The following PTPRU variants were observed in gnomAD, a reference collection of about 807,000 sequenced individuals.
PTPRU encodes receptor-type tyrosine-protein phosphatase U.
PTPRU carries 69 observed loss-of-function variants against 166.3 expected under a neutral mutation model. That is an observed-to-expected ratio of 0.41 (90% CI 0.34 to 0.51). The LOEUF (loss-of-function observed/expected upper bound fraction) is 0.51. Among genes scored for constraint, PTPRU ranks in the 20% least tolerant of loss-of-function variants. PTPRU has a pLI of 0.09. For missense variants in PTPRU, 1,657 were observed against 2,013.7 expected (o/e 0.82, Z 3.39); for synonymous variants, 793 against 814.0 (o/e 0.97, Z 0.44).
At chr1:29,305,652 G>C (rs1006482855) in intron 18 of PTPRU, 3 of 730,924 alleles carry the variant, frequency 4.1e-6, no homozygotes, top group Admixed American at 3.5e-5. Flanking sequence ...GAGATGAGGT[G>C]CTTTAGAGAA....
At position 29,307,225 on chromosome 1, in the gene PTPRU, G is replaced by A. The variant is rs374676437; in HGVS notation, c.2820+1797G>A. On this transcript the variant is annotated intron_variant, in intron 18 of 29. Coordinates refer to ENST00000373779, the MANE Select transcript of PTPRU (RefSeq NM_133178.4). ...CTGGCTGTATCTCAGACTCTCTCAC[G>A]GTCTCTGGCTGTCTGTCTCTCTGTC... The A allele has an allele frequency of 7.6e-5, 115 of 1,514,878 alleles. No individual in the cohort carries two copies. The Middle Eastern group carries it at 2.0e-3, about 27-fold the overall frequency. 93.8% of individuals were successfully genotyped at this position (1,514,878 alleles called of 1,614,324 possible). A position where few individuals can be genotyped will look rare whatever the true frequency, so the allele number is the denominator to read the frequency against.
At chr1:29,301,368 C>A (rs955181948) in intron 15 of PTPRU, among the ~76,000 whole-genome samples, 26 of 152,280 alleles carry the variant, frequency 1.7e-4, no homozygotes, top group African/African-American at 5.1e-4. Context: ...TGTGGTGAAG[C>A]TGGAATAAAC....
chr1:29,293,773 C>G (rs1686762167), intron 15 of PTPRU, among the ~76,000 whole-genome samples: 1 of 152,206 alleles, frequency 6.6e-6, no homozygotes, highest in African/African-American at 2.4e-5. Flanking sequence ...TGCGCCCGGA[C>G]TTTTGGGGGT....
rs535676589 is a variant in PTPRU at position 29,288,411 on chromosome 1, A to T, written c.2319-3458A>T. 2.0e-5 allele frequency among the ~76,000 whole-genome samples: 3 copies of T among 152,320 alleles called. No individual in the cohort carries two copies. In the South Asian group the frequency reaches 6.2e-4, roughly 32 times the overall value. ...TGGGGGCAAAGAGAATACAAGAGAC[A>T]TCATGTAGCTGGCACTCGTGGGAGA... On this transcript the variant is annotated intron_variant, in intron 14 of 29. Transcript: ENST00000373779.
intron 1 of PTPRU, among the ~76,000 whole-genome samples, chr1:29,249,800 T>G (rs1020783463): frequency 1.3e-5 from 2 of 152,208 alleles, no homozygotes; most frequent in Non-Finnish European, 2.9e-5. Flanking sequence ...GCCCTACTCA[T>G]GGCTTATAGG....
intron 1 of PTPRU, among the ~76,000 whole-genome samples, chr1:29,244,002 G>A (rs1382914553): frequency 6.6e-6 from 1 of 152,198 alleles, no homozygotes; most frequent in African/African-American, 2.4e-5. Flanking sequence ...TTCCCAAGAT[G>A]CAAACCACAA....
intron 2 of PTPRU, 29 bp downstream of exon 2, chr1:29,255,435 C>T: frequency 1.2e-6 from 2 of 1,609,322 alleles, no homozygotes; most frequent in South Asian, 2.2e-5. Flanking sequence ...GCCATTACCC[C>T]TTCTTCTCCT....
Position 29,311,377 on chromosome 1 carries a change from G to A in PTPRU, c.2858-79G>A. 2 of 1,409,028 alleles carry A rather than the reference G, an allele frequency of 1.4e-6. No individual in the cohort carries two copies. Among genetic ancestry groups the A allele is most frequent in the Admixed American group, 1.7e-5 (1 of 57,598 alleles). 87.3% of individuals were successfully genotyped at this position (1,409,028 alleles called of 1,614,324 possible). ...AGGAGGCCTCCTGGCCTGGGGTGTG[G>A]TGCTGGATGGTGCTGGATGTGCTGA... On this transcript the variant is annotated intron_variant, in intron 19 of 29. Transcript: ENST00000373779. This position sits in a 1 kb window ranked among gnomAD's most constrained non-coding sequence, Gnocchi z 4.1.
chr1:29,319,450 A>G (rs890436996), intron 25 of PTPRU, among the ~76,000 whole-genome samples: 9 of 152,062 alleles, frequency 5.9e-5, no homozygotes, highest in Admixed American at 6.5e-5. Flanking sequence ...TGCAGGTCCT[A>G]TTGGCTTGGA....
rs115646705 is a variant in PTPRU, at chr1:29,282,044, C to T, written c.1869-632C>T. 7.4e-3 allele frequency among the ~76,000 whole-genome samples: 1,134 copies of T among 152,284 alleles called. 11 individuals carry two copies. Among genetic ancestry groups the T allele is most frequent in the African/African-American group, 0.023 (936 of 41,540 alleles). ...TCAGGATCCTGAAACAGCAGGGCTC[C>T]GATTTGCTGATCAGAGGCTGCCTTG... On this transcript the variant is annotated intron_variant, in intron 11 of 29. Coordinates refer to ENST00000373779, the MANE Select transcript of PTPRU (RefSeq NM_133178.4).
chr1:29,273,236 T>C (rs1381030905), intron 7 of PTPRU, among the ~76,000 whole-genome samples: 1 of 152,054 alleles, frequency 6.6e-6, no homozygotes, highest in Non-Finnish European at 1.5e-5. Context: ...CTGGGCTCCA[T>C]CTTGCCTTTG....
At chr1:29,309,390 C>T (rs557116525) in intron 18 of PTPRU, among the ~76,000 whole-genome samples, 34 of 152,276 alleles carry the variant, frequency 2.2e-4, no homozygotes, top group Middle Eastern at 3.4e-3. Context: ...AGCTACTGCT[C>T]GGCATAGCTG....
At chr1:29,300,363 A>T (rs1340884752) in intron 15 of PTPRU, among the ~76,000 whole-genome samples, 1 of 152,252 alleles carries the variant, frequency 6.6e-6, no homozygotes, top group Non-Finnish European at 1.5e-5. Context: ...GCAAACAAAC[A>T]TGCCGAAAGC....
At position 29,313,736 on chromosome 1, in the gene PTPRU, T is replaced by A. The variant is rs532539752; in HGVS notation, c.3227+1030T>A. Among the ~76,000 whole-genome samples the A allele has an allele frequency of 2.1e-3, 324 of 152,270 alleles. 1 individual carries two copies. The highest frequency in any genetic ancestry group is 3.9e-3 in the South Asian group (19 of 4,820). ...GGGTTGTGGTGGCACAAGCCTGTAG[T>A]CCCAGCTACCTGTGAGGCTGAGGTG... On this transcript the variant is annotated intron_variant, in intron 22 of 29. Coordinates refer to ENST00000373779, the MANE Select transcript of PTPRU (RefSeq NM_133178.4).
At chr1:29,325,083 T>TC in intron 28 of PTPRU, 108 bp from the exon 29 acceptor site, 2 of 1,438,226 alleles carry the variant, frequency 1.4e-6, no homozygotes, top group Non-Finnish European at 1.9e-6. Context: ...ATTCCCTAGC[T>TC]CCGTCCCTCT....
intron 1 of PTPRU, among the ~76,000 whole-genome samples, chr1:29,254,333 A>T (rs1168837430): frequency 1.3e-5 from 2 of 152,168 alleles, no homozygotes; most frequent in African/African-American, 4.8e-5. Flanking sequence ...GCCTTTGATG[A>T]ACTCACTAAG....
chr1:29,288,374 G>A (rs1174609995), intron 14 of PTPRU, among the ~76,000 whole-genome samples: 3 of 152,140 alleles, frequency 2.0e-5, no homozygotes, highest in Admixed American at 1.3e-4. Flanking sequence ...AAAAGAACAG[G>A]GTGCTGGGTG....
chr1:29,238,971 T>C lies in PTPRU; in HGVS notation c.73+2254T>C, dbSNP rs1167873202. Reference sequence around the variant, plus strand: ...TATGGCACTTTTGGTAGATACCAAGTACCTTGTAAAGTAAGGCTCTGTCTG... The same window carrying C: ...TATGGCACTTTTGGTAGATACCAAGCACCTTGTAAAGTAAGGCTCTGTCTG... On this transcript the variant is annotated intron_variant, in intron 1 of 29. Coordinates refer to ENST00000373779, the MANE Select transcript of PTPRU (RefSeq NM_133178.4). The surrounding 1 kb of genome is among the most constrained non-coding windows in gnomAD (Gnocchi z 6.1). 1.3e-5 allele frequency among the ~76,000 whole-genome samples: 2 copies of C among 152,230 alleles called. No homozygotes were observed. Among genetic ancestry groups the C allele is most frequent in the African/African-American group, 4.8e-5 (2 of 41,474 alleles).
In PTPRU at chr1:29,320,866, C is replaced by A; in HGVS notation, c.3828+41C>A. The stretch of plus-strand genomic sequence containing the variant: ...GCCAGGCCAATGGGCCGCCTGCTCC[C>A]AGGTCCTCTGTGTATTCAGGGCCAT... On this transcript the variant is annotated intron_variant, in intron 26 of 29. Transcript: ENST00000373779. This position sits in a 1 kb window ranked among gnomAD's most constrained non-coding sequence, Gnocchi z 5.2. The A allele has an allele frequency of 6.6e-7, 1 of 1,506,788 alleles. No homozygotes were observed. The allele number at this position is 1,506,788 out of a possible 1,614,324, so 93.3% of individuals were successfully genotyped here.
Sources: allele counts gnomAD v4.1 joint callset (sites outside exome capture counted in the v4.1 genomes callset), GRCh38; gene constraint gnomAD v4.1.1; non-coding constraint Gnocchi (gnomAD v3.1); transcripts MANE v1.5; gene names NCBI Gene and HGNC (gene_info 2026-07-23, HGNC 2026-07-21).